AGAP2: variants seen among roughly 807,000 people sequenced by gnomAD.
AGAP2 encodes the protein arf-GAP with GTPase, ANK repeat and PH domain-containing protein 2.
A neutral mutation model predicts 110.9 loss-of-function variants in AGAP2; 32 were observed. The ratio of observed to expected loss-of-function variants is 0.29; its 90% confidence interval spans 0.22 to 0.39. The LOEUF (loss-of-function observed/expected upper bound fraction) is 0.39, where lower values mean the gene tolerates loss of function less well. Among genes scored for constraint, AGAP2 ranks in the 10% least tolerant of loss-of-function variants. The probability of loss-of-function intolerance (pLI) is 1.00; values close to 1 mark genes in which losing one functional copy is unlikely to be tolerated. For missense variants in AGAP2, 1,285 were observed against 1,638.5 expected (o/e 0.78, Z 3.72); for synonymous variants, 702 against 713.0 (o/e 0.98, Z 0.25).
In AGAP2 at chr12:57,737,226, C is replaced by T. The variant is rs1292193221; in HGVS notation, c.1021G>A (p.Asp341Asn). The T allele has an allele frequency of 6.2e-7, 1 of 1,610,644 alleles. No homozygotes were observed. The change falls in exon 1 of 19, where the codon GAC becomes AAC. Residue 341 changes from aspartate to asparagine, a missense_variant. By Grantham distance (23) the Asp-to-Asn change is conservative. Transcript: ENST00000547588. This position sits in a 1 kb window ranked among gnomAD's most constrained non-coding sequence, Gnocchi z 5.9. ...CTGATAAACTTGAGCATCTTGCGGT[C>T]ACGAGTGGATGCTCGGCCCCCCTCC... ...GREGGRASTR[D>N]RKMLKFISGI... is the part of the protein sequence containing the mutation.
intron 7 of AGAP2, 95 bp from the exon 8 acceptor site, chr12:57,732,062 G>A: frequency 7.4e-7 from 1 of 1,358,794 alleles, no homozygotes; most frequent in Non-Finnish European, 1.0e-6. Flanking sequence ...GACATTCCTT[G>A]ATCACCTCAC....
Position 57,734,251 on chromosome 12 carries a change from A to G in AGAP2, c.1401+68T>C, listed in dbSNP as rs1196964102. On this transcript the variant is annotated intron_variant, in intron 4 of 18. Transcript: ENST00000547588. ...ACCCAATCCAGATGAAGACCTGGGA[A>G]ACCAGAGCCCTCTCCTTTGGCCAGT... 4 of 1,612,200 alleles carry G rather than the reference A, an allele frequency of 2.5e-6. No individual in the cohort carries two copies. The African/African-American group carries it at 5.3e-5, about 22-fold the overall frequency.
chr12:57,732,418 A>C lies in AGAP2; in HGVS notation c.1779T>G (p.Thr593=). ...CCCAACTCACCTGGCCAGCTACCGG[A>C]GTGGATGCAGCTGAGTGGCTTGGGG... is the stretch of plus-strand genomic sequence containing the variant. The part of the protein sequence containing the change: ...PSSPSHSAAS[T]PVAGQASNGG... The change falls in exon 7 of 19, where the codon ACT becomes ACG. Residue 593 remains threonine, a synonymous_variant. Transcript: ENST00000547588. 2 of 1,604,764 alleles carry C rather than the reference A, an allele frequency of 1.2e-6. No individual in the cohort carries two copies. Among genetic ancestry groups the C allele is most frequent in the Non-Finnish European group, 8.5e-7 (1 of 1,175,174 alleles).
At chr12:57,732,293 AT>A (rs1325614971) in intron 7 of AGAP2, 109 bp downstream of exon 7, 26 of 1,029,112 alleles carry the variant, frequency 2.5e-5, no homozygotes, top group Admixed American at 5.1e-5. Context: ...TGCCATTTCC[AT>A]CTGTTTCCCC....
downstream of AGAP2, chr12:57,724,712 C>T (rs567708854): frequency 2.4e-4 from 37 of 152,442 alleles, no homozygotes; most frequent in African/African-American, 8.7e-4. Flanking sequence ...CAGGCTGGCT[C>T]GGGGCAGCCC....
chr12:57,732,757 CAG>C, intron 6 of AGAP2, 86 bp downstream of exon 6: 1 of 1,577,238 alleles, frequency 6.3e-7, no homozygotes, highest in Non-Finnish European at 8.6e-7. Context: ...CTGTCACTCA[CAG>C]AGAGAGGCCT....
rs1954798397 is a variant in AGAP2, at chr12:57,727,670, C to G, written c.2857+11G>C. ...CACTCCCTAGCCCCTCCGCTGCCTC[C>G]TGGCACTCACTGGGGGCCCCGCAGT... is the stretch of plus-strand genomic sequence containing the variant. On this transcript the variant is annotated intron_variant, in intron 16 of 18. Coordinates refer to ENST00000547588, the MANE Select transcript of AGAP2 (RefSeq NM_001122772.3). 6.2e-7 allele frequency: 1 copy of G among 1,602,626 alleles called. No homozygotes were observed. Among genetic ancestry groups the G allele is most frequent in the Non-Finnish European group, 8.5e-7 (1 of 1,175,042 alleles).
At chr12:57,734,466 G>A in intron 3 of AGAP2, 62 bp from the exon 4 acceptor site, 1 of 1,592,018 alleles carries the variant, frequency 6.3e-7, no homozygotes, top group Non-Finnish European at 8.6e-7. Context: ...ACCTCCCCAT[G>A]CTCCCAGTGC....
chr12:57,742,144 C>A, upstream of AGAP2: 1 of 1,536,782 alleles, frequency 6.5e-7, no homozygotes, highest in East Asian at 2.3e-5. Flanking sequence ...AGCCCCCAAA[C>A]CTCAGAAGGC....
intron 6 of AGAP2, 77 bp downstream of exon 6, chr12:57,732,768 C>T: frequency 6.3e-7 from 1 of 1,591,882 alleles, no homozygotes; most frequent in Non-Finnish European, 8.6e-7. Context: ...AGAGAGAGGC[C>T]TGGATGCCTG....
upstream of AGAP2, among the ~76,000 whole-genome samples, chr12:57,741,406 G>T (rs1955074938): frequency 6.6e-6 from 1 of 152,144 alleles, no homozygotes; most frequent in Non-Finnish European, 1.5e-5. Context: ...GTTAGTATGC[G>T]CTTGGGAGCC....
rs748419613 is a variant in AGAP2, at chr12:57,737,292, T to C, written c.955A>G (p.Ile319Val). Reference protein sequence around the residue: ...SAQPPGPAPPITLEPPAPGLK... With the variant: ...SAQPPGPAPPVTLEPPAPGLK... Reference sequence around the variant, plus strand: ...CCCGGAGCTGGAGGCTCCAGAGTGATTGGAGGTGCAGGCCCGGGGGGCTGC... The same window carrying C: ...CCCGGAGCTGGAGGCTCCAGAGTGACTGGAGGTGCAGGCCCGGGGGGCTGC... Residue 319 changes from isoleucine to valine, a missense_variant, in exon 1 of 19, where the codon ATC becomes GTC. By Grantham distance (29) the Ile-to-Val change is conservative. This residue lies in a region of AGAP2 where 844 missense variants were observed against 941.2 expected (regional missense o/e 0.90). Coordinates refer to ENST00000547588, the MANE Select transcript of AGAP2 (RefSeq NM_001122772.3). This position sits in a 1 kb window ranked among gnomAD's most constrained non-coding sequence, Gnocchi z 5.9. 24 of 1,613,282 alleles carry C rather than the reference T, an allele frequency of 1.5e-5. No individual in the cohort carries two copies. Among genetic ancestry groups the C allele is most frequent in the Middle Eastern group, 1.6e-4 (1 of 6,082 alleles).
chr12:57,738,303 G>A lies in AGAP2; in HGVS notation c.-57C>T. ...AGGGGACTCCCCCGGACTGCCTCAG[G>A]GGGGCCCGGCCATGGGGCCGCCCTG... is the stretch of plus-strand genomic sequence containing the variant. On this transcript the variant is annotated 5_prime_UTR_variant, in exon 1 of 19. Coordinates refer to ENST00000547588, the MANE Select transcript of AGAP2 (RefSeq NM_001122772.3). The surrounding 1 kb of genome is among the most constrained non-coding windows in gnomAD (Gnocchi z 6.7). The A allele has an allele frequency of 1.4e-6, 2 of 1,405,436 alleles. No individual in the cohort carries two copies. The highest frequency in any genetic ancestry group is 3.1e-5 in the Admixed American group (1 of 32,164). The allele number at this position is 1,405,436 out of a possible 1,614,324, so 87.1% of individuals were successfully genotyped here.
At chr12:57,740,414 G>A (rs1161882412), upstream of AGAP2, among the ~76,000 whole-genome samples, 2 of 152,144 alleles carry the variant, frequency 1.3e-5, no homozygotes, top group African/African-American at 4.8e-5. Flanking sequence ...GTTGGCTCTG[G>A]CTTAAACTTC....
At chr12:57,735,646 G>A (rs1954967383) in intron 1 of AGAP2, among the ~76,000 whole-genome samples, 1 of 152,210 alleles carries the variant, frequency 6.6e-6, no homozygotes, top group Non-Finnish European at 1.5e-5. Flanking sequence ...GCTTAGCAAC[G>A]GAGCTAGCAA....
At chr12:57,723,912 A>G (rs1595076077), downstream of AGAP2, 1 of 152,120 alleles carries the variant, frequency 6.6e-6, no homozygotes, top group African/African-American at 2.4e-5. Flanking sequence ...CACACTCCCA[A>G]ACTTCTGAAG....
At chr12:57,740,080 C>T (rs1387985500), upstream of AGAP2, 14 of 152,232 alleles carry the variant, frequency 9.2e-5, no homozygotes, top group Admixed American at 5.9e-4. Context: ...GACCCCTTCC[C>T]GGGACTTGGG....
upstream of AGAP2, among the ~76,000 whole-genome samples, chr12:57,739,023 A>T (rs1477362594): frequency 1.4e-5 from 1 of 69,874 alleles, no homozygotes; most frequent in Non-Finnish European, 2.8e-5. Flanking sequence ...TTTCTCCACC[A>T]GCACCGATGT....
intron 11 of AGAP2, 38 bp downstream of exon 11, chr12:57,730,753 G>A: frequency 6.2e-7 from 1 of 1,612,292 alleles, no homozygotes; most frequent in Non-Finnish European, 8.5e-7. Context: ...CCCCAGCCCT[G>A]GCCCCTCTTC....
Sources: allele counts gnomAD v4.1 joint callset (sites outside exome capture counted in the v4.1 genomes callset), GRCh38; gene constraint gnomAD v4.1.1; regional missense constraint gnomAD v4.1.1; non-coding constraint Gnocchi (gnomAD v3.1); transcripts MANE v1.5; gene names NCBI Gene and HGNC (gene_info 2026-07-23, HGNC 2026-07-21).